Variants in FHIP2A observed in about 807,000 individuals in gnomAD.
The protein encoded by FHIP2A is family with sequence similarity 160 member B1.
FHIP2A carries 46 observed loss-of-function variants against 93.5 expected under a neutral mutation model. The observed-to-expected ratio is 0.49, with a 90% CI of 0.39 to 0.63. The LOEUF is 0.63. FHIP2A is among the 20% of genes least tolerant of loss of function. FHIP2A has a pLI of 0.00. For missense variants in FHIP2A, 769 were observed against 909.7 expected, an observed-to-expected ratio of 0.85 and a Z score of 1.99; for synonymous variants, 332 against 326.5, an observed-to-expected ratio of 1.02 and a Z score of -0.18.
intron 16 of FHIP2A, among the ~76,000 whole-genome samples, chr10:114,883,645 G>A (rs547910350): frequency 5.9e-5 from 9 of 152,212 alleles, no homozygotes; most frequent in South Asian, 2.1e-4. Flanking sequence ...GCAATGGCAC[G>A]ATCTCAGCTC....
intron 7 of FHIP2A, among the ~76,000 whole-genome samples, chr10:114,844,849 A>G (rs972804477): frequency 6.6e-6 from 1 of 152,036 alleles, no homozygotes; most frequent in African/African-American, 2.4e-5. Context: ...CAGTGAAGCA[A>G]TCTTGGCTTA....
At chr10:114,833,553 C>T (rs1012726875) in intron 3 of FHIP2A, 151 bp downstream of exon 3, 16 of 702,164 alleles carry the variant, frequency 2.3e-5, no homozygotes, top group Admixed American at 1.1e-4. Flanking sequence ...AATTGTGTAG[C>T]CTATACAAAT....
intron 2 of FHIP2A, 52 bp from the exon 3 acceptor site, chr10:114,833,181 A>AT: frequency 7.0e-7 from 1 of 1,420,202 alleles, no homozygotes; most frequent in Non-Finnish European, 9.7e-7. Flanking sequence ...TTAGGTGCAA[A>AT]TATGCAGTTT....
rs902285034 is a variant in FHIP2A at position 114,847,229 on chromosome 10, A to G, written c.1708A>G (p.Asn570Asp). 6 of 1,605,780 alleles carry G rather than the reference A, an allele frequency of 3.7e-6. No homozygotes were observed. In the African/African-American group the frequency reaches 6.7e-5, roughly 18 times the overall value. ...AAAAACTGAAGTTCATAAAATTGTA[A>G]ATAGGTGAGTTGCTATATAAAATTT... ...DGKTEVHKIVNSFLCLVPDDA... is the reference protein window; with the variant it reads ...DGKTEVHKIVDSFLCLVPDDA... Residue 570 changes from asparagine to aspartate, a missense_variant, in exon 12 of 17, where the codon AAT becomes GAT. By Grantham distance (23) the Asn-to-Asp change is conservative (BLOSUM62 1). Coordinates refer to ENST00000369248, the MANE Select transcript of FHIP2A (RefSeq NM_020940.4).
chr10:114,885,412 G>GA (rs1027263373), intron 16 of FHIP2A, among the ~76,000 whole-genome samples: 21 of 142,230 alleles, frequency 1.5e-4, no homozygotes, highest in South Asian at 2.3e-4. Flanking sequence ...AAAAAAAAAA[G>GA]AAAAAAAAAA....
downstream of FHIP2A, among the ~76,000 whole-genome samples, chr10:114,865,010 C>T (rs553639470): frequency 1.3e-5 from 2 of 150,912 alleles, no homozygotes; most frequent in Non-Finnish European, 3.0e-5. Context: ...TTTTTTGAGG[C>T]AGAGTCTCGC....
At position 114,847,325 on chromosome 10, in the gene FHIP2A, G is replaced by T. The variant is rs2083707573; in HGVS notation, c.1712+92G>T. 5.0e-6 allele frequency: 6 copies of T among 1,206,012 alleles called. No individual in the cohort carries two copies. In the Admixed American group the frequency reaches 7.0e-5, roughly 14 times the overall value. 74.7% of individuals were successfully genotyped at this position (1,206,012 alleles called of 1,614,324 possible). On this transcript the variant is annotated intron_variant, in intron 12 of 16. Transcript: ENST00000369248. Reference sequence around the variant, plus strand: ...ATTTTTTGAGATGGAGTCTTGCTCTGTTGCCCACGCTGGAGTGCAGTGGCA... The same window carrying T: ...ATTTTTTGAGATGGAGTCTTGCTCTTTTGCCCACGCTGGAGTGCAGTGGCA...
intron 16 of FHIP2A, among the ~76,000 whole-genome samples, chr10:114,896,410 T>G (rs1344392066): frequency 6.6e-6 from 1 of 152,040 alleles, no homozygotes; most frequent in Non-Finnish European, 1.5e-5. Context: ...CTTACAGAAA[T>G]CAGGACTGTG....
chr10:114,864,860 G>A (rs1298768036), downstream of FHIP2A: 5 of 205,034 alleles, frequency 2.4e-5, no homozygotes. Flanking sequence ...TCTAGGGAGA[G>A]AACAAAAAGC....
At chr10:114,846,493 AGATG>A in intron 10 of FHIP2A, 62 bp from the exon 11 acceptor site, 2 of 1,477,410 alleles carry the variant, frequency 1.4e-6, no homozygotes, top group Non-Finnish European at 1.8e-6. Context: ...ATGACTCACA[AGATG>A]GTAAGAAGAG....
At position 114,841,508 on chromosome 10, in the gene FHIP2A, T is replaced by A. The variant is rs183307098; in HGVS notation, c.523-1425T>A. On this transcript the variant is annotated intron_variant, in intron 5 of 16. Transcript: ENST00000369248. The stretch of plus-strand genomic sequence containing the variant: ...GGGTTTACCATGTTGGCCAGGCTGG[T>A]CTCGAACTCCTGACCTCAAGTGATC... 1.5e-3 allele frequency among the ~76,000 whole-genome samples: 231 copies of A among 152,164 alleles called. 4 individuals are homozygous for A. In the East Asian group the frequency reaches 0.025, roughly 17 times the overall value.
chr10:114,884,772 G>C (rs1031044811), intron 16 of FHIP2A, among the ~76,000 whole-genome samples: 1 of 151,938 alleles, frequency 6.6e-6, no homozygotes, highest in Non-Finnish European at 1.5e-5. Flanking sequence ...AAATTAGCTA[G>C]GTGTGGTGGC....
chr10:114,884,627 A>G (rs1222421333), intron 16 of FHIP2A, among the ~76,000 whole-genome samples: 1 of 152,076 alleles, frequency 6.6e-6, no homozygotes, highest in Middle Eastern at 3.2e-3. Context: ...AAATGAGCCA[A>G]TATGGCCGGG....
At position 114,864,230 on chromosome 10, in the gene FHIP2A, A is replaced by C. The variant is rs1426755783; in HGVS notation, c.*2690A>C. The stretch of plus-strand genomic sequence containing the variant: ...AATTATGGAATTACTTCATAAATTC[A>C]TGGTAATGTTTTCATAAATTATTGC... On this transcript the variant is annotated 3_prime_UTR_variant, in exon 17 of 17. Transcript: ENST00000369248. 3 of 984,100 alleles carry C rather than the reference A, an allele frequency of 3.0e-6. No individual in the cohort carries two copies. The highest frequency in any genetic ancestry group is 2.3e-4 in the East Asian group (2 of 8,814). 61.0% of individuals were successfully genotyped at this position (984,100 alleles called of 1,614,324 possible).
chr10:114,886,169 G>A (rs1347386552), intron 16 of FHIP2A, among the ~76,000 whole-genome samples: 2 of 152,128 alleles, frequency 1.3e-5, no homozygotes, highest in Non-Finnish European at 2.9e-5. Flanking sequence ...ACATATTATA[G>A]ATTATTTATG....
intron 13 of FHIP2A, among the ~76,000 whole-genome samples, chr10:114,849,584 A>G (rs1159663325): frequency 6.6e-6 from 1 of 152,224 alleles, no homozygotes; most frequent in Non-Finnish European, 1.5e-5. Flanking sequence ...TGTATTAAAA[A>G]TTCCTCCTGC....
At chr10:114,866,368 G>T (rs2083829426), downstream of FHIP2A, among the ~76,000 whole-genome samples, 1 of 152,006 alleles carries the variant, frequency 6.6e-6, no homozygotes, top group African/African-American at 2.4e-5. Context: ...GTCTATCATT[G>T]ATGGGCATTT....
rs1422158107 is a variant in FHIP2A at position 114,836,013 on chromosome 10, T to C, written c.400-111T>C. ...CATTAGTGTTCTGATTAATGCAGGA[T>C]ATTTGCATTATATGAAAAATTTAAA... is the stretch of plus-strand genomic sequence containing the variant. On this transcript the variant is annotated intron_variant, in intron 4 of 16. Coordinates refer to ENST00000369248, the MANE Select transcript of FHIP2A (RefSeq NM_020940.4). The C allele has an allele frequency of 4.1e-6, 3 of 729,244 alleles. No individual in the cohort carries two copies. The African/African-American group carries it at 5.2e-5, about 13-fold the overall frequency. The allele number at this position is 729,244 out of a possible 1,614,324, so 45.2% of individuals were successfully genotyped here.
chr10:114,822,353 G>T (rs964576122), intron 1 of FHIP2A, among the ~76,000 whole-genome samples: 6 of 150,764 alleles, frequency 4.0e-5, no homozygotes, highest in Non-Finnish European at 8.8e-5. Flanking sequence ...GCCCCAGGCC[G>T]GCAGTCCCTG....
Sources: gnomAD v4.1 joint callset for allele counts (sites outside exome capture counted in the v4.1 genomes callset) on GRCh38, gnomAD v4.1.1 for gene constraint, MANE v1.5 for transcripts, NCBI Gene and HGNC (gene_info 2026-07-23, HGNC 2026-07-21) for gene names.